The following RILPL1 variants were observed in gnomAD, a reference collection of about 807,000 sequenced individuals.
RILPL1 encodes the protein Rab interacting lysosomal protein like 1.
RILPL1 carries 33 observed loss-of-function variants against 50.3 expected under a neutral mutation model. The observed-to-expected ratio is 0.66, with a 90% CI of 0.50 to 0.88. The LOEUF is 0.88. RILPL1 is among the 40% of genes least tolerant of loss of function. The pLI is 0.00. For missense variants in RILPL1, 418 were observed against 542.5 expected (o/e 0.77, Z 2.28); for synonymous variants, 205 against 228.6 (o/e 0.90, Z 0.93).
Position 123,485,885 on chromosome 12 carries a change from T to C in RILPL1, c.802-80A>G. On this transcript the variant is annotated intron_variant, in intron 4 of 6. Transcript: ENST00000376874. This position sits in a 1 kb window ranked among gnomAD's most constrained non-coding sequence, Gnocchi z 4.0. ...ACTCTCTATCCTGAAGGAGCCCAAATTCTCCCCCTCCCGGGGTGCCAGCAG... is the reference window on the plus strand; with the variant it reads ...ACTCTCTATCCTGAAGGAGCCCAAACTCTCCCCCTCCCGGGGTGCCAGCAG... The C allele has an allele frequency of 7.1e-7, 1 of 1,412,866 alleles. No homozygotes were observed. Among genetic ancestry groups the C allele is most frequent in the Non-Finnish European group, 9.4e-7 (1 of 1,066,254 alleles). The allele number at this position is 1,412,866 out of a possible 1,614,324, so 87.5% of individuals were successfully genotyped here.
intron 2 of RILPL1, among the ~76,000 whole-genome samples, chr12:123,507,357 G>A (rs1346387197): frequency 6.6e-6 from 1 of 151,952 alleles, no homozygotes; most frequent in Non-Finnish European, 1.5e-5. Flanking sequence ...GAGCCCAGGA[G>A]TTCGAGACCA....
At position 123,532,865 on chromosome 12, in the gene RILPL1, T is replaced by C. The variant is rs1885487803; in HGVS notation, c.309+309A>G. Among the ~76,000 whole-genome samples the C allele has an allele frequency of 4.6e-5, 7 of 152,188 alleles. 1 individual carries two copies. The South Asian group carries it at 1.4e-3, about 32-fold the overall frequency. ...TCTTCTAAGGTGGGTCCTATTATGA[T>C]TACCATTTGACAGGTGAGGAAATAA... On this transcript the variant is annotated intron_variant, in intron 1 of 6. Transcript: ENST00000376874.
Position 123,533,339 on chromosome 12 carries a change from C to A in RILPL1, c.144G>T (p.Glu48Asp), listed in dbSNP as rs1410906670. 1.3e-6 allele frequency: 2 copies of A among 1,581,806 alleles called. No individual in the cohort carries two copies. The highest frequency in any genetic ancestry group is 2.3e-5 in the East Asian group (1 of 43,094). Residue 48 changes from glutamate (E) to aspartate (D), a missense_variant, in exon 1 of 7, where the codon GAG becomes GAT. Physicochemically the swap from Glu to Asp is conservative, Grantham distance 45 (BLOSUM62 2). Coordinates refer to ENST00000376874, the MANE Select transcript of RILPL1 (RefSeq NM_178314.5). This position sits in a 1 kb window ranked among gnomAD's most constrained non-coding sequence, Gnocchi z 6.2. ...CCTTGGGCATGAGGCGCGCGATGGC[C>A]TCGCAGCCGTGCTGGTCAATGACCC... Reference protein sequence around the residue: ...FERVIDQHGCEAIARLMPKVV... With the variant: ...FERVIDQHGCDAIARLMPKVV...
At position 123,485,553 on chromosome 12, in the gene RILPL1, G is replaced by T. The variant is rs917399164; in HGVS notation, c.974+80C>A. ...TGATGAAATGCTTGTCTTCCAGGGG[G>T]TAAGAAGGTAACTGTACAGAAACTC... On this transcript the variant is annotated intron_variant, in intron 5 of 6. Transcript: ENST00000376874. The surrounding 1 kb of genome is among the most constrained non-coding windows in gnomAD (Gnocchi z 4.0). The T allele has an allele frequency of 1.5e-6, 2 of 1,322,880 alleles. No homozygotes were observed. Among genetic ancestry groups the T allele is most frequent in the African/African-American group, 1.5e-5 (1 of 67,640 alleles). The allele number at this position is 1,322,880 out of a possible 1,614,324, so 81.9% of individuals were successfully genotyped here. A position where few individuals can be genotyped will look rare whatever the true frequency, so the allele number is the denominator to read the frequency against.
rs999455253 is a variant in RILPL1, at chr12:123,491,202, T to A, written c.802-5397A>T. On this transcript the variant is annotated intron_variant, in intron 4 of 6. Coordinates refer to ENST00000376874, the MANE Select transcript of RILPL1 (RefSeq NM_178314.5). The surrounding 1 kb of genome is among the most constrained non-coding windows in gnomAD (Gnocchi z 4.0). ...GGGACCAAGGAGGCTCTTTCCAAGA[T>A]GGCAATCGAGCTCCATCTGCCGTGG... 6.6e-6 allele frequency among the ~76,000 whole-genome samples: 1 copy of A among 152,208 alleles called. No individual in the cohort carries two copies. The highest frequency in any genetic ancestry group is 1.5e-5 in the Non-Finnish European group (1 of 68,028).
At chr12:123,506,337 G>A (rs997744819) in intron 2 of RILPL1, among the ~76,000 whole-genome samples, 30 of 152,200 alleles carry the variant, frequency 2.0e-4, no homozygotes, top group Non-Finnish European at 8.8e-5. Flanking sequence ...ACAAGCCCAG[G>A]CCACACAGTG....
chr12:123,502,230 T>C (rs1883443484), intron 2 of RILPL1, among the ~76,000 whole-genome samples: 1 of 152,198 alleles, frequency 6.6e-6, no homozygotes, highest in African/African-American at 2.4e-5. Flanking sequence ...CATAATTGTT[T>C]TGAAATATTA....
rs1883163346 is a variant in RILPL1 at position 123,498,353 on chromosome 12, G to A, written c.801+191C>T. Among the ~76,000 whole-genome samples the A allele has an allele frequency of 6.6e-6, 1 of 150,842 alleles. No homozygotes were observed. The highest frequency in any genetic ancestry group is 6.6e-5 in the Admixed American group (1 of 15,128). ...GCCTAAGCCTCCCAGGCAGGCAGCT[G>A]GTACTACAGGTGTGCACCACCACGC... On this transcript the variant is annotated intron_variant, in intron 4 of 6. Transcript: ENST00000376874. This position sits in a 1 kb window ranked among gnomAD's most constrained non-coding sequence, Gnocchi z 4.3.
intron 2 of RILPL1, among the ~76,000 whole-genome samples, chr12:123,501,071 G>C (rs1214106486): frequency 1.3e-5 from 2 of 151,892 alleles, no homozygotes; most frequent in Non-Finnish European, 2.9e-5. Context: ...TCGTGCCATT[G>C]GACTCCAGCC....
chr12:123,533,042 C>T lies in RILPL1; in HGVS notation c.309+132G>A. The T allele has an allele frequency of 1.0e-6, 1 of 981,570 alleles. No individual in the cohort carries two copies. 60.8% of individuals were successfully genotyped at this position (981,570 alleles called of 1,614,324 possible). ...AAAGAAGGCCAGGGCCTCCCTCCCT[C>T]CCCACGTCGGGTCTCCTCTGGTCCG... On this transcript the variant is annotated intron_variant, in intron 1 of 6. Coordinates refer to ENST00000376874, the MANE Select transcript of RILPL1 (RefSeq NM_178314.5). The surrounding 1 kb of genome is among the most constrained non-coding windows in gnomAD (Gnocchi z 6.2).
chr12:123,532,707 G>A (rs71458805), intron 1 of RILPL1, among the ~76,000 whole-genome samples: 28,223 of 121,918 alleles, frequency 0.23, 7,634 homozygotes, highest in Middle Eastern at 0.38. Context: ...GGAGACTGGG[G>A]GGGGGGGGGA....
At chr12:123,521,493 A>T (rs1223236191) in intron 2 of RILPL1, among the ~76,000 whole-genome samples, 2 of 148,250 alleles carry the variant, frequency 1.3e-5, no homozygotes, top group East Asian at 3.9e-4. Flanking sequence ...AGTCCTTTTC[A>T]GTGCCATATA....
intron 6 of RILPL1, among the ~76,000 whole-genome samples, chr12:123,483,551 T>C (rs1433936473): frequency 6.6e-6 from 1 of 152,180 alleles, no homozygotes; most frequent in African/African-American, 2.4e-5. Context: ...TTTTACAGAT[T>C]TCTCTGGGGG....
chr12:123,527,838 A>G (rs1885314131), intron 1 of RILPL1, among the ~76,000 whole-genome samples: 1 of 152,184 alleles, frequency 6.6e-6, no homozygotes, highest in African/African-American at 2.4e-5. Context: ...AGGGGCCACA[A>G]GCCAGGGAAT....
rs187231669 is a variant in RILPL1 at position 123,477,527 on chromosome 12, C to T, written c.1068-4845G>A. Reference sequence around the variant, plus strand: ...CTAATTTTTGTATTTTTAGTAGAGACGGGGTTTCCCTGTGTTGGCCAGGTT... The same window carrying T: ...CTAATTTTTGTATTTTTAGTAGAGATGGGGTTTCCCTGTGTTGGCCAGGTT... On this transcript the variant is annotated intron_variant, in intron 6 of 6. Coordinates refer to ENST00000376874, the MANE Select transcript of RILPL1 (RefSeq NM_178314.5). Among the ~76,000 whole-genome samples the T allele has an allele frequency of 4.7e-3, 710 of 151,908 alleles. 19 individuals carry two copies. Among genetic ancestry groups the T allele is most frequent in the Admixed American group, 0.039 (599 of 15,232 alleles).
intron 1 of RILPL1, among the ~76,000 whole-genome samples, chr12:123,526,080 C>A (rs1313203454): frequency 6.6e-6 from 1 of 152,030 alleles, no homozygotes; most frequent in Non-Finnish European, 1.5e-5. Flanking sequence ...CCAAGGCAGG[C>A]GGATCACTTG....
intron 6 of RILPL1, among the ~76,000 whole-genome samples, chr12:123,478,479 C>T (rs1474793367): frequency 1.6e-4 from 24 of 149,980 alleles, no homozygotes; most frequent in Non-Finnish European, 1.2e-4. Context: ...CGCTCCCCGC[C>T]AAATATTTCT....
chr12:123,515,211 A>G (rs1260972649), intron 2 of RILPL1: 1 of 152,050 alleles, frequency 6.6e-6, no homozygotes, highest in African/African-American at 2.4e-5. Flanking sequence ...AATTTTATAA[A>G]TTAAAATACA....
At position 123,492,238 on chromosome 12, in the gene RILPL1, T is replaced by A. The variant is rs571345218; in HGVS notation, c.801+6306A>T. ...CAAAAAAAAAGAAGAAAAAAAAATA[T>A]ATATATATACATATAATCTGTGAAA... On this transcript the variant is annotated intron_variant, in intron 4 of 6. Coordinates refer to ENST00000376874, the MANE Select transcript of RILPL1 (RefSeq NM_178314.5). Among the ~76,000 whole-genome samples the A allele has an allele frequency of 7.9e-4, 119 of 150,646 alleles. 1 individual carries two copies. Among genetic ancestry groups the A allele is most frequent in the African/African-American group, 2.6e-3 (108 of 41,042 alleles).
Sources: gnomAD v4.1 joint callset for allele counts (sites outside exome capture counted in the v4.1 genomes callset) on GRCh38, gnomAD v4.1.1 for gene constraint, Gnocchi (gnomAD v3.1) non-coding constraint, MANE v1.5 for transcripts, NCBI Gene and HGNC (gene_info 2026-07-23, HGNC 2026-07-21) for gene names.